Variants in CCDC7 observed in about 807,000 individuals in gnomAD.
CCDC7 encodes the protein coiled-coil domain-containing protein 7.
A neutral mutation model predicts 196.9 loss-of-function variants in CCDC7; 183 were observed. The ratio of observed to expected loss-of-function variants is 0.93; its 90% CI spans 0.82 to 1.05. CCDC7 has a LOEUF of 1.05. Among genes scored for constraint, CCDC7 ranks in the 50% least tolerant of loss-of-function variants. CCDC7 has a pLI of 0.00. For missense variants in CCDC7, 1,540 were observed against 1,482.2 expected, an observed-to-expected ratio of 1.04 and a Z score of -0.64; for synonymous variants, 525 against 484.6, an observed-to-expected ratio of 1.08 and a Z score of -1.10.
chr10:32,501,426 G>T (rs1294485632), intron 9 of CCDC7, among the ~76,000 whole-genome samples: 1 of 151,836 alleles, frequency 6.6e-6, no homozygotes, highest in Admixed American at 6.6e-5. Context: ...TCCCTTGCTG[G>T]TGAGCAGCTG....
intron 24 of CCDC7, among the ~76,000 whole-genome samples, chr10:32,709,222 TA>T (rs1300383499): frequency 7.0e-6 from 1 of 143,700 alleles, no homozygotes; most frequent in Non-Finnish European, 1.5e-5. Context: ...ATCGCAAGGA[TA>T]AAAAACCAAA....
chr10:32,719,719 C>T (rs2082124847), intron 25 of CCDC7, among the ~76,000 whole-genome samples: 1 of 152,106 alleles, frequency 6.6e-6, no homozygotes, highest in South Asian at 2.1e-4. Context: ...AGGATATGAA[C>T]AGGCACTTTT....
chr10:32,775,273 C>G (rs1306348986), intron 28 of CCDC7, among the ~76,000 whole-genome samples: 1 of 152,146 alleles, frequency 6.6e-6, no homozygotes, highest in South Asian at 2.1e-4. Flanking sequence ...CATGACAGTA[C>G]TTTTAGTATC....
At chr10:32,599,283 A>G (rs1258994068) in intron 18 of CCDC7, among the ~76,000 whole-genome samples, 26 of 151,578 alleles carry the variant, frequency 1.7e-4, no homozygotes, top group Admixed American at 1.7e-3. Flanking sequence ...TTCACTTTCA[A>G]TATTTTTGTG....
chr10:32,564,098 G>A (rs1217211891), intron 13 of CCDC7, among the ~76,000 whole-genome samples: 1 of 152,162 alleles, frequency 6.6e-6, no homozygotes, highest in East Asian at 1.9e-4. Context: ...AAACCACAAT[G>A]AGATACCATC....
At chr10:32,678,155 T>G (rs2075317156) in intron 21 of CCDC7, among the ~76,000 whole-genome samples, 1 of 152,160 alleles carries the variant, frequency 6.6e-6, no homozygotes, top group South Asian at 2.1e-4. Context: ...TGTATTCTAT[T>G]TTAGTTCACT....
At chr10:32,767,341 T>G (rs2078472551) in intron 28 of CCDC7, among the ~76,000 whole-genome samples, 3 of 152,176 alleles carry the variant, frequency 2.0e-5, no homozygotes, top group Admixed American at 2.0e-4. Context: ...CTGGTCATGT[T>G]AAATGTGATT....
At position 32,794,490 on chromosome 10, in the gene CCDC7, A is replaced by T. The variant is rs1254415552; in HGVS notation, c.3014-10525A>T. ...TAGTTCTATTTTGAGTTCTCTGGGA[A>T]ATTTCCACACTGCTTTCCACAGTGG... is the stretch of plus-strand genomic sequence containing the variant. On this transcript the variant is annotated intron_variant, in intron 29 of 41. Coordinates refer to ENST00000639629, the Ensembl canonical transcript of CCDC7. Among the ~76,000 whole-genome samples the T allele has an allele frequency of 2.7e-4, 41 of 152,258 alleles. 1 individual carries two copies. Among genetic ancestry groups the T allele is most frequent in the Admixed American group, 2.4e-3 (37 of 15,302 alleles).
chr10:32,487,278 C>T (rs1341153836), intron 8 of CCDC7, among the ~76,000 whole-genome samples: 3 of 152,166 alleles, frequency 2.0e-5, no homozygotes, highest in Non-Finnish European at 2.9e-5. Flanking sequence ...TTGATCGAAT[C>T]GGCTACTGAG....
In CCDC7 at chr10:32,587,221, T is replaced by A. The variant is rs959270515; in HGVS notation, c.1801+2917T>A. 3.3e-4 allele frequency among the ~76,000 whole-genome samples: 50 copies of A among 152,140 alleles called. 2 individuals carry two copies. The highest frequency in any genetic ancestry group is 1.5e-5 in the Non-Finnish European group (1 of 68,016). ...TAAGCAATAACTCTCATTCCCCGCATTTTCCTCCATTTGGGGTTGCTGTAA... is the reference window on the plus strand; with the variant it reads ...TAAGCAATAACTCTCATTCCCCGCAATTTCCTCCATTTGGGGTTGCTGTAA... On this transcript the variant is annotated intron_variant, in intron 18 of 41. Coordinates refer to ENST00000639629, the Ensembl canonical transcript of CCDC7.
At chr10:32,623,898 C>G (rs1354296201) in intron 18 of CCDC7, 1 of 407,750 alleles carries the variant, frequency 2.5e-6, no homozygotes, top group African/African-American at 2.1e-5. Flanking sequence ...AGTGAGAACT[C>G]ACTTCTTCCC....
intron 28 of CCDC7, among the ~76,000 whole-genome samples, chr10:32,739,749 A>C (rs2085498007): frequency 6.6e-6 from 1 of 151,940 alleles, no homozygotes; most frequent in Admixed American, 6.6e-5. Flanking sequence ...GAGGTATGTA[A>C]GCATTTAGTG....
At chr10:32,612,010 A>G (rs561226820) in intron 18 of CCDC7, among the ~76,000 whole-genome samples, 3 of 152,288 alleles carry the variant, frequency 2.0e-5, no homozygotes, top group Admixed American at 6.5e-5. Context: ...TACTTGGGAC[A>G]ATATGGCCAT....
chr10:32,737,300 A>G (rs182201481), intron 28 of CCDC7, among the ~76,000 whole-genome samples: 1 of 152,046 alleles, frequency 6.6e-6, no homozygotes, highest in African/African-American at 2.4e-5. Flanking sequence ...TTCATGAGAG[A>G]TGTTGGTTTG....
At chr10:32,682,418 T>A (rs1309145013) in intron 21 of CCDC7, among the ~76,000 whole-genome samples, 1 of 152,212 alleles carries the variant, frequency 6.6e-6, no homozygotes, top group Admixed American at 6.5e-5. Context: ...GGCATCTAGG[T>A]TGATTCTGTC....
intron 41 of CCDC7, among the ~76,000 whole-genome samples, chr10:32,873,108 T>G (rs1317538773): frequency 6.6e-6 from 1 of 152,158 alleles, no homozygotes; most frequent in East Asian, 1.9e-4. Flanking sequence ...AGGGAAGTTC[T>G]CCTGGATAAT....
Position 32,764,295 on chromosome 10 carries a change from G to C in CCDC7, c.2906-14682G>C, listed in dbSNP as rs566289506. Among the ~76,000 whole-genome samples the C allele has an allele frequency of 8.7e-4, 131 of 151,346 alleles. 1 individual carries two copies. The highest frequency in any genetic ancestry group is 2.9e-3 in the African/African-American group (119 of 41,246). On this transcript the variant is annotated intron_variant, in intron 28 of 41. Coordinates refer to ENST00000639629, the Ensembl canonical transcript of CCDC7. ...ATGAAGTACAAAGTATGGCTCATGA[G>C]AAGGTGCACTGCATTCCAAAAAAAC...
intron 18 of CCDC7, among the ~76,000 whole-genome samples, 194 bp downstream of exon 19, chr10:32,584,498 C>T (rs1226525222): frequency 2.0e-5 from 3 of 150,138 alleles, no homozygotes; most frequent in African/African-American, 7.3e-5. Flanking sequence ...TGGCTCATGC[C>T]TGTAATCCCA....
At chr10:32,492,143 A>G in intron 9 of CCDC7, 146 bp downstream of exon 10, 1 of 741,770 alleles carries the variant, frequency 1.3e-6, no homozygotes, top group Middle Eastern at 4.7e-4. Flanking sequence ...AGAAGAAAAT[A>G]ACACCTCTAT....
Sources: gnomAD v4.1 joint callset for allele counts (sites outside exome capture counted in the v4.1 genomes callset) on GRCh38, gnomAD v4.1.1 for gene constraint, MANE v1.5 for transcripts, NCBI Gene and HGNC (gene_info 2026-07-23, HGNC 2026-07-21) for gene names.